The following ALG11 variants were observed in gnomAD, a reference collection of about 807,000 sequenced individuals.
ALG11 encodes the protein ALG11 alpha-1,2-mannosyltransferase, also known as GDP-Man:Man(3)GlcNAc(2)-PP-Dol alpha-1,2-mannosyltransferase.
ALG11 carries 26 observed loss-of-function variants against 38.8 expected under a neutral mutation model. The observed-to-expected ratio is 0.67, with a 90% CI of 0.49 to 0.93. ALG11 has a LOEUF of 0.93. Among genes scored for constraint, ALG11 ranks in the 40% least tolerant of loss-of-function variants. The pLI is 0.00. For synonymous variants in ALG11, 199 were observed against 211.6 expected (o/e 0.94, Z 0.52); for missense variants, 535 against 578.8 (o/e 0.92, Z 0.78).
In ALG11 at chr13:52,031,244, T is replaced by C; in HGVS notation, c.*2654T>C. ...AGCCACATTTTTTAAAAAAAGAAAATGGATGACCATTAATTGACTAGCATT... is the reference window on the plus strand; with the variant it reads ...AGCCACATTTTTTAAAAAAAGAAAACGGATGACCATTAATTGACTAGCATT... On this transcript the variant is annotated 3_prime_UTR_variant, in exon 4 of 4. Coordinates refer to ENST00000521508, the MANE Select transcript of ALG11 (RefSeq NM_001004127.3). The C allele has an allele frequency of 1.6e-6, 2 of 1,262,122 alleles. No homozygotes were observed. Among genetic ancestry groups the C allele is most frequent in the African/African-American group, 1.5e-5 (1 of 66,232 alleles). The allele number at this position is 1,262,122 out of a possible 1,614,324, so 78.2% of individuals were successfully genotyped here.
chr13:52,012,891 C>G (rs1566694730), intron 1 of ALG11, among the ~76,000 whole-genome samples: 1 of 152,168 alleles, frequency 6.6e-6, no homozygotes, highest in Non-Finnish European at 1.5e-5. Flanking sequence ...CTTAAACTCA[C>G]CAAAACTGCC....
In ALG11 at chr13:52,030,511, C is replaced by T. The variant is rs149649022; in HGVS notation, c.*1921C>T. On this transcript the variant is annotated 3_prime_UTR_variant, in exon 4 of 4. Transcript: ENST00000521508. ...ACTTCCTGACCACACAGTCTCCTTCCGTGAGGTCTTTGGCAGTTCCCACAA... is the reference window on the plus strand; with the variant it reads ...ACTTCCTGACCACACAGTCTCCTTCTGTGAGGTCTTTGGCAGTTCCCACAA... The T allele has an allele frequency of 4.7e-5, 76 of 1,614,064 alleles. No individual in the cohort carries two copies. The highest frequency in any genetic ancestry group is 1.3e-4 in the Admixed American group (8 of 60,006).
At chr13:52,022,698 GT>G (rs36065613) in intron 2 of ALG11, 51,577 of 127,764 alleles carry the variant, frequency 0.4, 10,230 homozygotes, top group Non-Finnish European at 0.5. Context: ...TAATAAATTT[GT>G]TTTTTTTTTT....
chr13:52,029,094 C>T lies in ALG11; in HGVS notation c.*504C>T. 6.2e-7 allele frequency: 1 copy of T among 1,614,230 alleles called. No individual in the cohort carries two copies. The highest frequency in any genetic ancestry group is 2.2e-5 in the East Asian group (1 of 44,886). On this transcript the variant is annotated 3_prime_UTR_variant, in exon 4 of 4. Transcript: ENST00000521508. ...CTGCTTGAGCCCGTTAAAACTTCAT[C>T]TTCTTTGGCCACTGTAAAAAAGCAA...
At chr13:52,021,470 G>A (rs2140835427) in intron 2 of ALG11, 1 of 152,226 alleles carries the variant, frequency 6.6e-6, no homozygotes, top group East Asian at 1.9e-4. Flanking sequence ...TTGGAGCTTG[G>A]CGTGTTAAAA....
Position 52,032,433 on chromosome 13 carries a change from G to C in ALG11, c.*3843G>C, listed in dbSNP as rs1954314843. ...GTGAATATATGTGTGAGCAGATATG[G>C]CTATAAAGACCTATAGCTTTTGCAC... On this transcript the variant is annotated 3_prime_UTR_variant, in exon 4 of 4. Coordinates refer to ENST00000521508, the MANE Select transcript of ALG11 (RefSeq NM_001004127.3). 1 of 167,020 alleles carries C rather than the reference G, an allele frequency of 6.0e-6. No individual in the cohort carries two copies. Among genetic ancestry groups the C allele is most frequent in the Admixed American group, 6.5e-5 (1 of 15,282 alleles). The allele number at this position is 167,020 out of a possible 1,614,324, so 10.3% of individuals were successfully genotyped here. A position where few individuals can be genotyped will look rare whatever the true frequency, so the allele number is the denominator to read the frequency against.
At chr13:52,028,113 CA>C (rs1954259233) in intron 3 of ALG11, among the ~76,000 whole-genome samples, 1 of 151,792 alleles carries the variant, frequency 6.6e-6, no homozygotes, top group African/African-American at 2.4e-5. Context: ...AAAAGTGAAG[CA>C]GTATTATTAT....
chr13:52,028,938 T>C lies in ALG11; in HGVS notation c.*348T>C. The C allele has an allele frequency of 6.2e-7, 1 of 1,614,216 alleles. No homozygotes were observed. Among genetic ancestry groups the C allele is most frequent in the South Asian group, 1.1e-5 (1 of 91,092 alleles). On this transcript the variant is annotated 3_prime_UTR_variant, in exon 4 of 4. Transcript: ENST00000521508. ...GATGGAGAGAGAAAGCATCAAAAGC[T>C]TCTGGAAGCAATCATTTCCCTTGAT...
At position 52,030,384 on chromosome 13, in the gene ALG11, C is replaced by T; in HGVS notation, c.*1794C>T. 6.2e-7 allele frequency: 1 copy of T among 1,614,124 alleles called. No homozygotes were observed. On this transcript the variant is annotated 3_prime_UTR_variant, in exon 4 of 4. Coordinates refer to ENST00000521508, the MANE Select transcript of ALG11 (RefSeq NM_001004127.3). ...GATTGTTTTCAAAATAAGGAGCTTC[C>T]CAGACCTGTGTTAGAAGGACAGCAG... is the stretch of plus-strand genomic sequence containing the variant.
At chr13:52,019,430 C>T (rs1451926989) in intron 2 of ALG11, among the ~76,000 whole-genome samples, 1 of 151,996 alleles carries the variant, frequency 6.6e-6, no homozygotes, top group East Asian at 1.9e-4. Context: ...ACCATGTTAG[C>T]CAGGATGGTC....
At position 52,032,357 on chromosome 13, in the gene ALG11, A is replaced by G. The variant is rs1954314115; in HGVS notation, c.*3767A>G. 1 of 167,120 alleles carries G rather than the reference A, an allele frequency of 6.0e-6. No individual in the cohort carries two copies. Among genetic ancestry groups the G allele is most frequent in the Admixed American group, 6.5e-5 (1 of 15,294 alleles). The allele number at this position is 167,120 out of a possible 1,614,324, so 10.4% of individuals were successfully genotyped here. The stretch of plus-strand genomic sequence containing the variant: ...GTTAGTTACTAGGCCAGTAGCTAGG[A>G]ATTGGTATAAATTTAATGCACCTTC... On this transcript the variant is annotated 3_prime_UTR_variant, in exon 4 of 4. Coordinates refer to ENST00000521508, the MANE Select transcript of ALG11 (RefSeq NM_001004127.3).
Position 52,028,443 on chromosome 13 carries a change from C to G in ALG11, c.1332C>G (p.Asp444Glu). ...GCTTTCTGGCTGAGAGTGAAGAAGA[C>G]TATGCTGAAACTATCGCTCACATTC... ...ITGFLAESEE[D>E]YAETIAHILS... The change falls in exon 4 of 4, where the codon GAC becomes GAG. Residue 444 changes from aspartate (D) to glutamate (E), a missense_variant. Coordinates refer to ENST00000521508, the MANE Select transcript of ALG11 (RefSeq NM_001004127.3). The G allele has an allele frequency of 6.2e-7, 1 of 1,614,156 alleles. No homozygotes were observed.
Position 52,032,051 on chromosome 13 carries a change from C to T in ALG11, c.*3461C>T, listed in dbSNP as rs1215680551. The T allele has an allele frequency of 6.5e-6, 1 of 153,952 alleles. No homozygotes were observed. The highest frequency in any genetic ancestry group is 2.4e-5 in the African/African-American group (1 of 41,400). The allele number at this position is 153,952 out of a possible 1,614,324, so 9.5% of individuals were successfully genotyped here. A position where few individuals can be genotyped will look rare whatever the true frequency, so the allele number is the denominator to read the frequency against. On this transcript the variant is annotated 3_prime_UTR_variant, in exon 4 of 4. Coordinates refer to ENST00000521508, the MANE Select transcript of ALG11 (RefSeq NM_001004127.3). ...CCTGAACAACATGGTGAAACCCTGT[C>T]TGTACTAAAAATACAAAAAAATTAG... is the stretch of plus-strand genomic sequence containing the variant.
chr13:52,030,619 A>C lies in ALG11; in HGVS notation c.*2029A>C. 6.2e-7 allele frequency: 1 copy of C among 1,614,214 alleles called. No homozygotes were observed. Among genetic ancestry groups the C allele is most frequent in the South Asian group, 1.1e-5 (1 of 91,082 alleles). ...CTTTTGCTGGGGATGATGTCATCAG[A>C]GATTTCTTGAAAGAGAAGAGGGAAG... On this transcript the variant is annotated 3_prime_UTR_variant, in exon 4 of 4. Coordinates refer to ENST00000521508, the MANE Select transcript of ALG11 (RefSeq NM_001004127.3).
chr13:52,020,914 C>T (rs968061199), intron 2 of ALG11: 2 of 152,192 alleles, frequency 1.3e-5, no homozygotes, highest in African/African-American at 2.4e-5. Context: ...CCTAACTCAA[C>T]ACATACTACA....
intron 1 of ALG11, 113 bp from the exon 2 acceptor site, chr13:52,018,800 C>A: frequency 4.5e-6 from 4 of 886,164 alleles, no homozygotes; most frequent in Non-Finnish European, 7.1e-6. Flanking sequence ...TCGTTAAAGA[C>A]AATTCTCTCT....
chr13:52,033,373 TATTA>T lies in ALG11; in HGVS notation c.*4784_*4787del, dbSNP rs1487513884. 2 of 167,070 alleles carry T rather than the reference TATTA, an allele frequency of 1.2e-5. No homozygotes were observed. The highest frequency in any genetic ancestry group is 4.8e-5 in the African/African-American group (2 of 41,452). The allele number at this position is 167,070 out of a possible 1,614,324, so 10.3% of individuals were successfully genotyped here. A position where few individuals can be genotyped will look rare whatever the true frequency, so the allele number is the denominator to read the frequency against. On this transcript the variant is annotated 3_prime_UTR_variant, in exon 4 of 4. Transcript: ENST00000521508. ...GTTTTGTGTAATAATTATTTGTAAA[TATTA>T]TTTAGATTTGTATTTAGACATGATT... is the stretch of plus-strand genomic sequence containing the variant.
intron 1 of ALG11, among the ~76,000 whole-genome samples, chr13:52,015,016 CAT>C (rs1338664959): frequency 2.6e-5 from 4 of 152,182 alleles, no homozygotes; most frequent in African/African-American, 2.4e-5. Context: ...GGAAATCCCA[CAT>C]GAGATTTGTT....
chr13:52,018,875 A>G (rs1954158197), intron 1 of ALG11, 38 bp from the exon 2 acceptor site: 5 of 1,535,298 alleles, frequency 3.3e-6, no homozygotes, highest in South Asian at 1.1e-5. Flanking sequence ...TTTAATGTAT[A>G]TATCACATTG....
Sources: gnomAD v4.1 joint callset for allele counts (sites outside exome capture counted in the v4.1 genomes callset) on GRCh38, gnomAD v4.1.1 for gene constraint, MANE v1.5 for transcripts, NCBI Gene and HGNC (gene_info 2026-07-23, HGNC 2026-07-21) for gene names.